The following CASD1 variants were observed in gnomAD, a reference collection of about 807,000 sequenced individuals.
CASD1 encodes CAS1 domain sialic acid O acetyltransferase 1.
In CASD1, 41 loss-of-function variants were observed where a neutral mutation model predicts 100.0. The ratio of observed to expected loss-of-function variants is 0.41; its 90% CI spans 0.32 to 0.53. CASD1 has a LOEUF of 0.53. CASD1 is among the 20% of genes least tolerant of loss of function. The pLI is 0.25. For missense variants in CASD1, 774 were observed against 948.7 expected (o/e 0.82, Z 2.42); for synonymous variants, 321 against 315.6 (o/e 1.02, Z -0.18).
At chr7:94,545,915 C>T (rs1292561093) in intron 12 of CASD1, among the ~76,000 whole-genome samples, 1 of 151,916 alleles carries the variant, frequency 6.6e-6, no homozygotes, top group African/African-American at 2.4e-5. Context: ...TAATAGTTTA[C>T]ATTATATGTG....
chr7:94,547,024 C>T, intron 12 of CASD1, 72 bp from the exon 13 acceptor site: 1 of 905,374 alleles, frequency 1.1e-6, no homozygotes, highest in Non-Finnish European at 1.7e-6. Flanking sequence ...GTACATATAT[C>T]AAATAGAGAG....
chr7:94,512,939 CT>C (rs1407494305), intron 1 of CASD1, among the ~76,000 whole-genome samples: 1 of 152,174 alleles, frequency 6.6e-6, no homozygotes, highest in Non-Finnish European at 1.5e-5. Flanking sequence ...TGTCTCATGC[CT>C]TATGTTACAG....
intron 7 of CASD1, among the ~76,000 whole-genome samples, chr7:94,534,599 G>T (rs1330873078): frequency 6.6e-6 from 1 of 152,046 alleles, no homozygotes; most frequent in Non-Finnish European, 1.5e-5. Flanking sequence ...CTCATTTTAG[G>T]AATTTATTGA....
At chr7:94,569,790 A>C in the CASD1 span, among the ~76,000 whole-genome samples, 6 of 146,510 alleles carry the variant, frequency 4.1e-5, no homozygotes, top group East Asian at 6.2e-4. Context: ...CATTAAAAAA[A>C]CTCCATTCTA....
chr7:94,599,633 C>T, the CASD1 span: 3 of 1,233,724 alleles, frequency 2.4e-6, no homozygotes, highest in African/African-American at 4.5e-5. Context: ...ATGTATGGAG[C>T]ATGATGGGCA....
At chr7:94,543,859 A>G (rs1004083760) in intron 10 of CASD1, among the ~76,000 whole-genome samples, 2 of 152,182 alleles carry the variant, frequency 1.3e-5, no homozygotes, top group African/African-American at 4.8e-5. Context: ...TAAAGATGTG[A>G]TGCTCTGAAA....
At chr7:94,560,535 A>G (rs1414710199), downstream of CASD1, among the ~76,000 whole-genome samples, 1 of 152,216 alleles carries the variant, frequency 6.6e-6, no homozygotes, top group African/African-American at 2.4e-5. Context: ...ATCCAGGAAA[A>G]GTTTTAGAGT....
the CASD1 span, among the ~76,000 whole-genome samples, chr7:94,572,270 T>C: frequency 2.6e-4 from 39 of 152,204 alleles, no homozygotes; most frequent in Middle Eastern, 6.3e-3. Flanking sequence ...TTTTCTGATA[T>C]CATATTCCAG....
At chr7:94,597,587 AAGAG>A in the CASD1 span, 2 of 152,176 alleles carry the variant, frequency 1.3e-5, no homozygotes, top group African/African-American at 4.8e-5. Flanking sequence ...GAGAGTGAGA[AAGAG>A]AGATTTTTCT....
intron 3 of CASD1, 152 bp from the exon 4 acceptor site, chr7:94,527,010 C>T: frequency 1.7e-6 from 1 of 600,984 alleles, no homozygotes; most frequent in Non-Finnish European, 2.9e-6. Context: ...GGTTTTTTCC[C>T]TTTCGGGTTG....
At chr7:94,585,972 C>G in the CASD1 span, among the ~76,000 whole-genome samples, 1 of 141,540 alleles carries the variant, frequency 7.1e-6, no homozygotes, top group Non-Finnish European at 1.5e-5. Context: ...ATTATCCCAG[C>G]TAGTGCTCAA....
the CASD1 span, among the ~76,000 whole-genome samples, chr7:94,607,179 C>T: frequency 6.6e-6 from 1 of 152,084 alleles, no homozygotes; most frequent in African/African-American, 2.4e-5. Flanking sequence ...AAGCAGAAAG[C>T]ATCAGGTCCA....
chr7:94,553,983 C>T (rs1796080082), intron 16 of CASD1: 1 of 152,132 alleles, frequency 6.6e-6, no homozygotes, highest in Non-Finnish European at 1.5e-5. Flanking sequence ...TTCAAGACAT[C>T]ATTCGCCAGG....
chr7:94,604,606 A>G, the CASD1 span, among the ~76,000 whole-genome samples: 1 of 150,756 alleles, frequency 6.6e-6, no homozygotes, highest in African/African-American at 2.4e-5. Flanking sequence ...ACTGATTATC[A>G]TCACAGGTAC....
chr7:94,610,245 C>T, the CASD1 span, among the ~76,000 whole-genome samples: 1 of 152,110 alleles, frequency 6.6e-6, no homozygotes, highest in Non-Finnish European at 1.5e-5. Context: ...ACTTTTAAAG[C>T]AGTGAAACTA....
the CASD1 span, chr7:94,619,195 G>A: frequency 2.4e-6 from 1 of 425,226 alleles, no homozygotes; most frequent in Non-Finnish European, 4.2e-6. Context: ...AGGCTCATCA[G>A]GGCAATTTAT....
At chr7:94,552,789 T>C (rs2116423380) in intron 16 of CASD1, among the ~76,000 whole-genome samples, 1 of 152,128 alleles carries the variant, frequency 6.6e-6, no homozygotes, top group East Asian at 1.9e-4. Flanking sequence ...ATACAAAAAT[T>C]AGCTGGGCGT....
At chr7:94,514,526 G>T (rs1349555654) in intron 1 of CASD1, among the ~76,000 whole-genome samples, 1 of 152,166 alleles carries the variant, frequency 6.6e-6, no homozygotes, top group Non-Finnish European at 1.5e-5. Flanking sequence ...GAAAACATAA[G>T]TTGGGGTTTA....
the CASD1 span, among the ~76,000 whole-genome samples, chr7:94,593,574 CA>C: frequency 3.3e-5 from 5 of 151,894 alleles, no homozygotes; most frequent in African/African-American, 1.2e-4. Context: ...CATAAGACTA[CA>C]AAATAACATT....
Sources: allele counts gnomAD v4.1 joint callset (sites outside exome capture counted in the v4.1 genomes callset), GRCh38; gene constraint gnomAD v4.1.1; transcripts MANE v1.5; gene names NCBI Gene and HGNC (gene_info 2026-07-23, HGNC 2026-07-21).